ITGAL: variants seen among roughly 807,000 people sequenced by gnomAD.
ITGAL encodes the protein integrin alpha-L.
Under a neutral mutation model 138.4 loss-of-function variants are expected in ITGAL, and 68 were observed. The ratio of observed to expected loss-of-function variants is 0.49; its 90% CI spans 0.40 to 0.60. The LOEUF (loss-of-function observed/expected upper bound fraction) is 0.60, where lower values mean the gene tolerates loss of function less well. Ranked by LOEUF, ITGAL falls within the 20% of genes least tolerant of loss-of-function variation. The pLI is 0.00. For synonymous variants in ITGAL, 561 were observed against 584.3 expected, an observed-to-expected ratio of 0.96 and a Z score of 0.57; for missense variants, 1,256 against 1,478.6, an observed-to-expected ratio of 0.85 and a Z score of 2.47.
chr16:30,504,385 G>A (rs750557444), intron 18 of ITGAL, 121 bp downstream of exon 18: 23 of 740,522 alleles, frequency 3.1e-5, no homozygotes, highest in Non-Finnish European at 5.4e-5. Flanking sequence ...GCTGAAGTGG[G>A]TGGATCACTT....
chr16:30,508,188 G>A (rs553986724), intron 21 of ITGAL, among the ~76,000 whole-genome samples: 2 of 148,170 alleles, frequency 1.3e-5, no homozygotes, highest in South Asian at 4.2e-4. Context: ...GATTACAGGC[G>A]TGGGCCACCA....
At chr16:30,505,724 A>T (rs2050979580) in intron 20 of ITGAL, among the ~76,000 whole-genome samples, 1 of 152,142 alleles carries the variant, frequency 6.6e-6, no homozygotes, top group African/African-American at 2.4e-5. Flanking sequence ...CACTAAAAAA[A>T]AATTTAAAAA....
intron 9 of ITGAL, chr16:30,488,734 A>T (rs889576685): frequency 5.1e-6 from 1 of 197,146 alleles, no homozygotes; most frequent in African/African-American, 2.5e-5. Flanking sequence ...AAAATTAGCC[A>T]GGTGTGATGG....
At chr16:30,517,340 C>T (rs913112751) in intron 26 of ITGAL, among the ~76,000 whole-genome samples, 2 of 152,090 alleles carry the variant, frequency 1.3e-5, no homozygotes, top group African/African-American at 4.8e-5. Context: ...TGCCCGTGGT[C>T]TCAGCTACTC....
intron 13 of ITGAL, among the ~76,000 whole-genome samples, chr16:30,495,720 A>G (rs1377908327): frequency 6.6e-6 from 1 of 152,128 alleles, no homozygotes; most frequent in African/African-American, 2.4e-5. Context: ...GTGGTGGTAC[A>G]TACCTGTAGT....
chr16:30,520,469 G>C (rs1020671249), intron 30 of ITGAL, among the ~76,000 whole-genome samples: 1 of 152,108 alleles, frequency 6.6e-6, no homozygotes, highest in Non-Finnish European at 1.5e-5. Context: ...ACTTTTCCAC[G>C]GTCATTCAGC....
chr16:30,483,996 T>G, intron 8 of ITGAL, 37 bp downstream of exon 8: 2 of 1,599,896 alleles, frequency 1.3e-6, no homozygotes, highest in Non-Finnish European at 1.7e-6. Context: ...ATATCTTCCC[T>G]CTCCTCTTTC....
Position 30,504,230 on chromosome 16 carries a change from GGGA to G in ITGAL, c.2208_2210del (p.Glu737del). ...AATGTTTCCCTGAATTTCTCTCTTT[GGGA>G]GGAGGAAGGGACACCGAGGGACCAA... is the stretch of plus-strand genomic sequence containing the variant. On this transcript the variant is annotated inframe_deletion, in exon 18 of 31. Transcript: ENST00000356798. The G allele has an allele frequency of 6.2e-7, 1 of 1,613,754 alleles. No homozygotes were observed. Among genetic ancestry groups the G allele is most frequent in the Non-Finnish European group, 8.5e-7 (1 of 1,179,690 alleles).
chr16:30,479,561 C>A, intron 6 of ITGAL, 100 bp downstream of exon 6: 1 of 1,215,864 alleles, frequency 8.2e-7, no homozygotes, highest in Non-Finnish European at 1.2e-6. Context: ...ATCCTCAGAG[C>A]CTATGGGCAT....
At chr16:30,489,632 C>T (rs977570953) in intron 11 of ITGAL, among the ~76,000 whole-genome samples, 5 of 152,170 alleles carry the variant, frequency 3.3e-5, no homozygotes, top group Admixed American at 6.6e-5. Flanking sequence ...TAGTAAACAA[C>T]TTGCCTGTGA....
rs1240190039 is a variant in ITGAL, at chr16:30,499,937, T to G, written c.2145+448T>G. ...CTAATTTTTGTATTTTTGGGAGAGA[T>G]AGGGTTTCACCATGTTAGTCAGGCT... On this transcript the variant is annotated intron_variant, in intron 17 of 30. Coordinates refer to ENST00000356798, the MANE Select transcript of ITGAL (RefSeq NM_002209.3). Among the ~76,000 whole-genome samples the G allele has an allele frequency of 3.4e-5, 5 of 149,178 alleles. 1 individual carries two copies. Among genetic ancestry groups the G allele is most frequent in the East Asian group, 3.9e-4 (2 of 5,114 alleles).
chr16:30,475,084 C>G (rs1299736539), intron 2 of ITGAL, among the ~76,000 whole-genome samples: 1 of 152,030 alleles, frequency 6.6e-6, no homozygotes, highest in African/African-American at 2.4e-5. Flanking sequence ...GTCTCAAGTT[C>G]CTGACCTCAG....
chr16:30,510,492 G>A lies in ITGAL; in HGVS notation c.2619+21G>A, dbSNP rs942331611. 4 of 1,427,122 alleles carry A rather than the reference G, an allele frequency of 2.8e-6. No homozygotes were observed. The Admixed American group carries it at 6.7e-5, about 24-fold the overall frequency. The allele number at this position is 1,427,122 out of a possible 1,614,324, so 88.4% of individuals were successfully genotyped here. On this transcript the variant is annotated intron_variant, in intron 22 of 30. Coordinates refer to ENST00000356798, the MANE Select transcript of ITGAL (RefSeq NM_002209.3). ...ACTCGGTGAGTGCTTCAAGTCTCCA[G>A]GGACCAAGCAGCCTAGGGGCCCTGA...
At chr16:30,484,420 G>C (rs1473263598) in intron 9 of ITGAL, among the ~76,000 whole-genome samples, 157 bp downstream of exon 9, 1 of 149,496 alleles carries the variant, frequency 6.7e-6, no homozygotes, top group East Asian at 2.0e-4. Context: ...ACCAGCCTGG[G>C]CAACATGGCA....
chr16:30,506,930 G>T, intron 21 of ITGAL, 74 bp downstream of exon 21: 3 of 1,550,982 alleles, frequency 1.9e-6, no homozygotes, highest in Non-Finnish European at 2.6e-6. Flanking sequence ...GCCCCAGGCA[G>T]CCAGGACAGC....
rs2151207767 is a variant in ITGAL, at chr16:30,517,805, C to T, written c.3042C>T (p.Leu1014=). ...ERLPDAAEPC[L]PGALFRCPVV... ...TTCCTCATCCTTGTCAGCCTTGTCT[C>T]CCCGGAGCCCTGTTCCGCTGCCCTG... The change falls in exon 28 of 31, where the codon CTC becomes CTT. Residue 1014 remains leucine, a synonymous_variant. Transcript: ENST00000356798. 6.2e-7 allele frequency: 1 copy of T among 1,614,152 alleles called. No individual in the cohort carries two copies. The highest frequency in any genetic ancestry group is 8.5e-7 in the Non-Finnish European group (1 of 1,180,014).
chr16:30,508,001 C>T (rs532140858), intron 21 of ITGAL, among the ~76,000 whole-genome samples: 152 of 152,012 alleles, frequency 1.0e-3, no homozygotes, highest in Non-Finnish European at 1.8e-3. Flanking sequence ...CTCCACCTCC[C>T]GGGTTCACGC....
intron 9 of ITGAL, 40 bp from the exon 10 acceptor site, chr16:30,489,042 C>G (rs146356337): frequency 6.4e-7 from 1 of 1,554,920 alleles, no homozygotes; most frequent in African/African-American, 1.4e-5. Context: ...ACTGCATTTA[C>G]TGCTGTTGGG....
intron 24 of ITGAL, among the ~76,000 whole-genome samples, chr16:30,513,115 T>G (rs1393541077): frequency 6.6e-6 from 1 of 152,196 alleles, no homozygotes; most frequent in East Asian, 1.9e-4. Flanking sequence ...AAAGTGCGGC[T>G]TGGACTGGGG....
Sources: gnomAD v4.1 joint callset for allele counts (sites outside exome capture counted in the v4.1 genomes callset) on GRCh38, gnomAD v4.1.1 for gene constraint, MANE v1.5 for transcripts, NCBI Gene and HGNC (gene_info 2026-07-23, HGNC 2026-07-21) for gene names.